SOX5: variants seen among roughly 807,000 people sequenced by gnomAD.
SOX5 encodes transcription factor SOX-5.
SOX5 carries 9 observed loss-of-function variants against 92.0 expected under a neutral mutation model. That is an observed-to-expected ratio of 0.10 (90% CI 0.06 to 0.17). SOX5 has a LOEUF of 0.17. Ranked by LOEUF, SOX5 falls within the 10% of genes least tolerant of loss-of-function variation. The pLI, the probability that SOX5 is intolerant of heterozygous loss-of-function variation, is 1.00. For missense variants in SOX5, 642 were observed against 944.5 expected (o/e 0.68, Z 4.20); for synonymous variants, 344 against 336.3 (o/e 1.02, Z -0.25).
At chr12:23,916,801 G>A (rs1393151521) in intron 1 of SOX5, among the ~76,000 whole-genome samples, 1 of 152,102 alleles carries the variant, frequency 6.6e-6, no homozygotes, top group Non-Finnish European at 1.5e-5. Context: ...CATCAATCCA[G>A]AAGCTACCAG....
chr12:24,395,226 A>C (rs1355234377), intron 1 of SOX5, among the ~76,000 whole-genome samples: 36 of 152,196 alleles, frequency 2.4e-4, no homozygotes, highest in Non-Finnish European at 1.5e-5. Flanking sequence ...CTGGAGAATA[A>C]GGATGGAGAA....
chr12:23,744,087 C>T (rs1023798699), intron 4 of SOX5, among the ~76,000 whole-genome samples: 1 of 152,116 alleles, frequency 6.6e-6, no homozygotes, highest in Admixed American at 6.6e-5. Context: ...ACATGACTTC[C>T]TAGACATGAT....
Position 24,484,621 on chromosome 12 carries a change from T to C in SOX5, c.-251+77708A>G, listed in dbSNP as rs1946331833. Among the ~76,000 whole-genome samples the C allele has an allele frequency of 2.0e-5, 3 of 152,258 alleles. No homozygotes were observed. The Middle Eastern group carries it at 0.01, about 518-fold the overall frequency. Reference sequence around the variant, plus strand: ...TATTGTTGAATGGCTTGTGATAAAATAACTCTCTTAAAGAAACTGAATTAC... The same window carrying C: ...TATTGTTGAATGGCTTGTGATAAAACAACTCTCTTAAAGAAACTGAATTAC... On this transcript the variant is annotated intron_variant, in intron 1 of 4. Transcript: ENST00000446891.
intron 3 of SOX5, among the ~76,000 whole-genome samples, chr12:23,818,059 A>G (rs530626347): frequency 6.6e-4 from 100 of 152,246 alleles, no homozygotes; most frequent in Non-Finnish European, 1.2e-3. Context: ...AACACGAATC[A>G]TAAGGTAATG....
chr12:24,404,400 T>G (rs1240261806), intron 1 of SOX5, among the ~76,000 whole-genome samples: 1 of 152,194 alleles, frequency 6.6e-6, no homozygotes, highest in Non-Finnish European at 1.5e-5. Context: ...ATTTATACCT[T>G]GAATTCAGGC....
chr12:24,437,863 A>G (rs969184116), intron 1 of SOX5, among the ~76,000 whole-genome samples: 1 of 152,248 alleles, frequency 6.6e-6, no homozygotes, highest in African/African-American at 2.4e-5. Context: ...CCATTGTGGA[A>G]GACAGTGTGG....
chr12:24,458,838 G>C (rs906572), intron 1 of SOX5, among the ~76,000 whole-genome samples: 151,581 of 152,298 alleles, frequency 1, 75,438 homozygotes, highest in East Asian at 1. Context: ...CCATGTTTAT[G>C]ACTTTCACCT....
intron 2 of SOX5, among the ~76,000 whole-genome samples, chr12:23,863,902 A>G (rs1309928545): frequency 2.0e-5 from 3 of 151,594 alleles, no homozygotes; most frequent in Non-Finnish European, 4.4e-5. Context: ...GAAAAGCACT[A>G]TCCTGAGTCC....
intron 6 of SOX5, among the ~76,000 whole-genome samples, chr12:23,705,030 A>G (rs1340087269): frequency 1.3e-5 from 2 of 151,942 alleles, no homozygotes; most frequent in Non-Finnish European, 2.9e-5. Flanking sequence ...TATGTTAACT[A>G]AACTTTTCAA....
At chr12:23,993,114 T>C (rs1950714784) in intron 4 of SOX5, among the ~76,000 whole-genome samples, 1 of 152,152 alleles carries the variant, frequency 6.6e-6, no homozygotes, top group Non-Finnish European at 1.5e-5. Context: ...TTAATACTCT[T>C]AATTTGTTAA....
At chr12:23,776,481 A>C (rs1452750250) in intron 3 of SOX5, among the ~76,000 whole-genome samples, 1 of 152,192 alleles carries the variant, frequency 6.6e-6, no homozygotes, top group East Asian at 1.9e-4. Flanking sequence ...GTTGAAAGGG[A>C]CCTTAGAAGT....
intron 11 of SOX5, among the ~76,000 whole-genome samples, chr12:23,553,937 C>T (rs555867396): frequency 1.3e-5 from 2 of 152,140 alleles, no homozygotes; most frequent in Non-Finnish European, 2.9e-5. Context: ...GCCTCAGTAG[C>T]CAGTAGTTAC....
intron 1 of SOX5, among the ~76,000 whole-genome samples, chr12:24,545,181 T>A (rs747830326): frequency 6.6e-6 from 1 of 152,162 alleles, no homozygotes; most frequent in Non-Finnish European, 1.5e-5. Flanking sequence ...CACCACCATA[T>A]GTGTAGGTCC....
intron 1 of SOX5, among the ~76,000 whole-genome samples, chr12:24,391,989 G>C (rs1340537055): frequency 6.6e-6 from 1 of 152,036 alleles, no homozygotes; most frequent in Non-Finnish European, 1.5e-5. Context: ...CTCCCAATGA[G>C]TATGACTTAA....
chr12:24,098,144 A>T (rs1413436029), intron 4 of SOX5, among the ~76,000 whole-genome samples: 1 of 152,162 alleles, frequency 6.6e-6, no homozygotes, highest in Admixed American at 6.5e-5. Context: ...CGTATGTGTC[A>T]GTGAGTTTTC....
At chr12:23,893,937 T>A (rs1260117135) in intron 2 of SOX5, among the ~76,000 whole-genome samples, 1 of 152,134 alleles carries the variant, frequency 6.6e-6, no homozygotes, top group Non-Finnish European at 1.5e-5. Context: ...AAATAGATAA[T>A]CAGAATATGA....
At chr12:23,679,388 C>T (rs1032505923) in intron 6 of SOX5, among the ~76,000 whole-genome samples, 3 of 152,056 alleles carry the variant, frequency 2.0e-5, no homozygotes, top group African/African-American at 7.2e-5. Flanking sequence ...ACCACTGACG[C>T]TGCTGCTGCT....
rs181586695 is a variant in SOX5 at position 23,543,435 on chromosome 12, C to G, written c.1598-51G>C. The G allele has an allele frequency of 9.6e-4, 1,353 of 1,408,908 alleles. 3 individuals are homozygous for G. The Middle Eastern group carries it at 0.011, about 12-fold the overall frequency. 87.3% of individuals were successfully genotyped at this position (1,408,908 alleles called of 1,614,324 possible). On this transcript the variant is annotated intron_variant, in intron 12 of 14. Transcript: ENST00000451604. ...GTTAGCGTTAAAACTTTTGTCAGCT[C>G]TTTTCCTTGCATTCCTATTTTTCAG...
At chr12:24,196,861 C>A (rs777400638) in intron 4 of SOX5, among the ~76,000 whole-genome samples, 1 of 152,114 alleles carries the variant, frequency 6.6e-6, no homozygotes. Flanking sequence ...CGAGATCATA[C>A]CACTGCACTC....
Sources: gnomAD v4.1 joint callset for allele counts (sites outside exome capture counted in the v4.1 genomes callset) on GRCh38, gnomAD v4.1.1 for gene constraint, MANE v1.5 for transcripts, NCBI Gene and HGNC (gene_info 2026-07-23, HGNC 2026-07-21) for gene names.